Variants in VPS26C observed in about 807,000 individuals in gnomAD.
VPS26C encodes the protein vacuolar protein sorting-associated protein 26C.
Under a neutral mutation model 30.6 loss-of-function variants are expected in VPS26C, and 19 were observed. That is an observed-to-expected ratio of 0.62 (90% confidence interval 0.43 to 0.91). The LOEUF is 0.91. VPS26C is among the 40% of genes least tolerant of loss of function. The probability of loss-of-function intolerance (pLI) is 0.00; values close to 1 mark genes in which losing one functional copy is unlikely to be tolerated. For missense variants in VPS26C, 318 were observed against 385.1 expected, an observed-to-expected ratio of 0.83 and a Z score of 1.46; for synonymous variants, 132 against 151.5, an observed-to-expected ratio of 0.87 and a Z score of 0.95.
chr21:37,263,418 TAG>T (rs1436081698), intron 1 of VPS26C, among the ~76,000 whole-genome samples: 2 of 152,236 alleles, frequency 1.3e-5, no homozygotes, highest in Non-Finnish European at 2.9e-5. Flanking sequence ...GGCAGAATAA[TAG>T]AGTGTTCAAT....
intron 1 of VPS26C, 76 bp from the exon 2 acceptor site, chr21:37,240,715 T>C: frequency 6.6e-7 from 1 of 1,523,810 alleles, no homozygotes; most frequent in South Asian, 1.3e-5. Context: ...CAAACGTAGG[T>C]CTCCTTCATC....
chr21:37,228,118 GGT>G (rs2085921823), intron 6 of VPS26C, 103 bp downstream of exon 6: 1 of 1,463,718 alleles, frequency 6.8e-7, no homozygotes, highest in South Asian at 1.3e-5. Flanking sequence ...GGATTACAGG[GGT>G]GCGCCACTGT....
rs2086252990 is a variant in VPS26C at position 37,257,267 on chromosome 21, T to G, written c.57+9971A>C. Among the ~76,000 whole-genome samples, 2 of 152,272 alleles carry G rather than the reference T, an allele frequency of 1.3e-5. No individual in the cohort carries two copies. ...GAAAAAGTAAAAAAGGATCAGGATC[T>G]GAGGTCAACTGACCTCTCCCTGCGC... On this transcript the variant is annotated intron_variant, in intron 1 of 7. Coordinates refer to ENST00000309117, the MANE Select transcript of VPS26C (RefSeq NM_006052.2). The surrounding 1 kb of genome is among the most constrained non-coding windows in gnomAD (Gnocchi z 4.2).
intron 5 of VPS26C, chr21:37,228,592 C>T: frequency 3.8e-6 from 2 of 519,662 alleles, no homozygotes; most frequent in East Asian, 3.5e-5. Flanking sequence ...CTGACTGACA[C>T]TCTGTGTACA....
chr21:37,244,118 G>C (rs2086114172), intron 1 of VPS26C, among the ~76,000 whole-genome samples: 1 of 152,188 alleles, frequency 6.6e-6, no homozygotes, highest in African/African-American at 2.4e-5. Context: ...TTCAACCTCA[G>C]CCCAAAGAGC....
At chr21:37,264,013 G>T (rs1028815230) in intron 1 of VPS26C, among the ~76,000 whole-genome samples, 4 of 152,122 alleles carry the variant, frequency 2.6e-5, no homozygotes, top group East Asian at 3.8e-4. Flanking sequence ...ATCCTGCTAC[G>T]TGAGGCTTGG....
chr21:37,268,067 T>A (rs1320901945), upstream of VPS26C: 1 of 152,212 alleles, frequency 6.6e-6, no homozygotes, highest in Admixed American at 6.5e-5. Flanking sequence ...ACCTCGCTCC[T>A]CTCGGAGCCG....
chr21:37,255,924 C>T (rs2086238797), intron 1 of VPS26C, among the ~76,000 whole-genome samples: 1 of 138,194 alleles, frequency 7.2e-6, no homozygotes, highest in Admixed American at 8.1e-5. Flanking sequence ...TAACCTCCGC[C>T]TCCCAGGTTC....
In VPS26C at chr21:37,256,561, T is replaced by C. The variant is rs190218117; in HGVS notation, c.57+10677A>G. Among the ~76,000 whole-genome samples the C allele has an allele frequency of 2.0e-4, 30 of 152,332 alleles. No homozygotes were observed. In the East Asian group the frequency reaches 5.8e-3, roughly 29 times the overall value. On this transcript the variant is annotated intron_variant, in intron 1 of 7. Transcript: ENST00000309117. Reference sequence around the variant, plus strand: ...TTATAAGGAAACAACCATTTGTAACTTACCAGATGAAAGGTAAAATCTATT... The same window carrying C: ...TTATAAGGAAACAACCATTTGTAACCTACCAGATGAAAGGTAAAATCTATT...
intron 1 of VPS26C, among the ~76,000 whole-genome samples, chr21:37,256,198 A>T (rs2086241694): frequency 6.6e-6 from 1 of 152,214 alleles, no homozygotes; most frequent in South Asian, 2.1e-4. Context: ...GGACCAAATT[A>T]AATGGGTTGG....
chr21:37,225,529 C>T lies in VPS26C; in HGVS notation c.*15G>A, dbSNP rs777784405. 4 of 1,612,430 alleles carry T rather than the reference C, an allele frequency of 2.5e-6. No homozygotes were observed. Among genetic ancestry groups the T allele is most frequent in the Non-Finnish European group, 2.5e-6 (3 of 1,178,446 alleles). On this transcript the variant is annotated 3_prime_UTR_variant, in exon 8 of 8. Coordinates refer to ENST00000309117, the MANE Select transcript of VPS26C (RefSeq NM_006052.2). Reference sequence around the variant, plus strand: ...CAGATGGCCACTCCCGTTCTCTATGCTTCCCTCCTCCGGGCTATATCCTGC... The same window carrying T: ...CAGATGGCCACTCCCGTTCTCTATGTTTCCCTCCTCCGGGCTATATCCTGC...
Position 37,233,414 on chromosome 21 carries a change from G to A in VPS26C, c.380C>T (p.Ser127Phe), listed in dbSNP as rs765643152. ...QYTLRCDMKR[S>F]LLAKDLTKTC... is the part of the protein sequence containing the mutation. ...CTTTGTCAAGTCCTTGGCCAACAGA[G>A]ACCGCTTCATGTCACAGCGCAGTGT... The change falls in exon 4 of 8, where the codon TCT (serine) becomes TTT (phenylalanine). Residue 127 changes from serine (S) to phenylalanine (F), a missense_variant. Ser to Phe is a radical substitution (Grantham distance 155). Transcript: ENST00000309117. The surrounding 1 kb of genome is among the most constrained non-coding windows in gnomAD (Gnocchi z 5.2). 3.7e-6 allele frequency: 6 copies of A among 1,614,068 alleles called. No homozygotes were observed. The African/African-American group carries it at 6.7e-5, about 18-fold the overall frequency.
rs117389572 is a variant in VPS26C, at chr21:37,264,979, G to A, written c.57+2259C>T. ...AGAAAGGAATGAGGAACTGACTCAT[G>A]CTATGACAAGCATGAACACTGAACA... On this transcript the variant is annotated intron_variant, in intron 1 of 7. Transcript: ENST00000309117. Among the ~76,000 whole-genome samples, 24 of 152,300 alleles carry A rather than the reference G, an allele frequency of 1.6e-4. No homozygotes were observed. In the East Asian group the frequency reaches 2.1e-3, roughly 13 times the overall value.
In VPS26C at chr21:37,233,363, G is replaced by A; in HGVS notation, c.431C>T (p.Ala144Val). Residue 144 changes from alanine to valine, a missense_variant and splice_region_variant, in exon 4 of 8, where the codon GCT becomes GTT. Physicochemically the swap from Ala to Val is moderately conservative, Grantham distance 64. Transcript: ENST00000309117. The surrounding 1 kb of genome is among the most constrained non-coding windows in gnomAD (Gnocchi z 5.2). ...CCAGAGTCCCCGAGTGAAGCTTACA[G>A]CGGAGTGAACGATAAATTCACAGGT... is the stretch of plus-strand genomic sequence containing the variant. ...TKTCEFIVHSAPQKGKFTPSP... is the reference protein window; with the variant it reads ...TKTCEFIVHSVPQKGKFTPSP... 2 of 1,613,796 alleles carry A rather than the reference G, an allele frequency of 1.2e-6. No homozygotes were observed. The highest frequency in any genetic ancestry group is 1.7e-6 in the Non-Finnish European group (2 of 1,179,640).
At position 37,257,578 on chromosome 21, in the gene VPS26C, C is replaced by T. The variant is rs2086256795; in HGVS notation, c.57+9660G>A. ...AACAACGACCTGATGAAAAAAGGAA[C>T]GCGTGAAATGGGGAGTGTTAGGGCG... On this transcript the variant is annotated intron_variant, in intron 1 of 7. Coordinates refer to ENST00000309117, the MANE Select transcript of VPS26C (RefSeq NM_006052.2). The surrounding 1 kb of genome is among the most constrained non-coding windows in gnomAD (Gnocchi z 4.2). Among the ~76,000 whole-genome samples the T allele has an allele frequency of 6.6e-6, 1 of 152,144 alleles. No homozygotes were observed. The highest frequency in any genetic ancestry group is 2.4e-5 in the African/African-American group (1 of 41,434).
chr21:37,259,023 G>T (rs1251465368), intron 1 of VPS26C, among the ~76,000 whole-genome samples: 1 of 152,092 alleles, frequency 6.6e-6, no homozygotes, highest in African/African-American at 2.4e-5. Context: ...CAGAAGAAGA[G>T]ACCTACTTAA....
chr21:37,241,060 G>A (rs184123494), intron 1 of VPS26C, among the ~76,000 whole-genome samples: 1 of 152,354 alleles, frequency 6.6e-6, no homozygotes, highest in Admixed American at 6.5e-5. Context: ...CTGTTCGTTA[G>A]GCTCTTTCTC....
intron 1 of VPS26C, among the ~76,000 whole-genome samples, chr21:37,258,395 T>C (rs564786640): frequency 5.3e-5 from 8 of 152,132 alleles, no homozygotes; most frequent in Non-Finnish European, 1.0e-4. Flanking sequence ...AAAAGGAACA[T>C]GCGATGTGAC....
chr21:37,252,986 C>A (rs1039511526), intron 1 of VPS26C, among the ~76,000 whole-genome samples: 16 of 152,106 alleles, frequency 1.1e-4, no homozygotes, highest in Admixed American at 3.3e-4. Context: ...TCTCAAGGAA[C>A]TTTATACTGA....
Sources: allele counts gnomAD v4.1 joint callset (sites outside exome capture counted in the v4.1 genomes callset), GRCh38; gene constraint gnomAD v4.1.1; non-coding constraint Gnocchi (gnomAD v3.1); transcripts MANE v1.5; gene names NCBI Gene and HGNC (gene_info 2026-07-23, HGNC 2026-07-21).